Variants in CNTN4 observed in about 807,000 individuals in gnomAD.
CNTN4 encodes the protein contactin 4.
A neutral mutation model predicts 122.5 loss-of-function variants in CNTN4; 77 were observed. The observed-to-expected ratio is 0.63, with a 90% CI of 0.52 to 0.76. The LOEUF is 0.76. Ranked by LOEUF, CNTN4 falls within the 30% of genes least tolerant of loss-of-function variation. The pLI, the probability that CNTN4 is intolerant of heterozygous loss-of-function variation, is 0.00. For synonymous variants in CNTN4, 512 were observed against 447.0 expected (o/e 1.15, Z -1.83); for missense variants, 1,256 against 1,259.1 (o/e 1.00, Z 0.04).
At chr3:2,967,410 C>A (rs1692431077) in intron 13 of CNTN4, among the ~76,000 whole-genome samples, 1 of 152,092 alleles carries the variant, frequency 6.6e-6, no homozygotes, top group African/African-American at 2.4e-5. Flanking sequence ...CTCACGACTC[C>A]TAAACCATAA....
At chr3:2,599,236 C>A (rs927176586) in intron 4 of CNTN4, among the ~76,000 whole-genome samples, 1 of 152,144 alleles carries the variant, frequency 6.6e-6, no homozygotes, top group African/African-American at 2.4e-5. Flanking sequence ...GTTGTAGGTT[C>A]CATTCTATCA....
intron 7 of CNTN4, among the ~76,000 whole-genome samples, chr3:2,833,895 T>C (rs758496352): frequency 2.4e-4 from 36 of 152,120 alleles, no homozygotes; most frequent in Non-Finnish European, 4.0e-4. Flanking sequence ...ATCCCAACAC[T>C]TGGGGAGGCC....
chr3:2,228,942 A>G (rs1314547630), intron 2 of CNTN4, among the ~76,000 whole-genome samples: 1 of 152,140 alleles, frequency 6.6e-6, no homozygotes, highest in East Asian at 1.9e-4. Flanking sequence ...TTTTGATGAT[A>G]GATGTCAGAA....
intron 3 of CNTN4, among the ~76,000 whole-genome samples, chr3:2,414,876 A>G (rs1246936392): frequency 6.6e-6 from 1 of 152,192 alleles, no homozygotes; most frequent in Non-Finnish European, 1.5e-5. Flanking sequence ...CAAGAATCCT[A>G]ATTTAATTCA....
chr3:2,211,519 G>A (rs1407582335), intron 2 of CNTN4, among the ~76,000 whole-genome samples: 3 of 152,140 alleles, frequency 2.0e-5, no homozygotes, highest in Admixed American at 6.5e-5. Context: ...CTATGTGTAC[G>A]TTTTCCTACA....
intron 3 of CNTN4, among the ~76,000 whole-genome samples, chr3:2,437,404 A>C (rs780675480): frequency 2.0e-5 from 3 of 152,200 alleles, no homozygotes; most frequent in South Asian, 2.1e-4. Context: ...GTGATGAATG[A>C]CAGATTTTTA....
intron 3 of CNTN4, among the ~76,000 whole-genome samples, chr3:2,497,479 G>A (rs2151716381): frequency 6.6e-6 from 1 of 152,226 alleles, no homozygotes; most frequent in Non-Finnish European, 1.5e-5. Flanking sequence ...CTTGTATAAT[G>A]AACCATTTAA....
rs371070654 is a variant in CNTN4, at chr3:2,934,635, A to G, written c.1358+8856A>G. On this transcript the variant is annotated intron_variant, in intron 13 of 24. Coordinates refer to ENST00000418658, the MANE Select transcript of CNTN4 (RefSeq NM_175607.3). ...TCTCTGTTCTGGAGGCAGAGTGTCTATATATGTGCTCTTAATGAGAAACCT... is the reference window on the plus strand; with the variant it reads ...TCTCTGTTCTGGAGGCAGAGTGTCTGTATATGTGCTCTTAATGAGAAACCT... Among the ~76,000 whole-genome samples, 20 of 152,364 alleles carry G rather than the reference A, an allele frequency of 1.3e-4. No individual in the cohort carries two copies. In the East Asian group the frequency reaches 1.3e-3, roughly 10 times the overall value.
chr3:2,571,175 C>T (rs2079404945), intron 3 of CNTN4, among the ~76,000 whole-genome samples: 1 of 152,148 alleles, frequency 6.6e-6, no homozygotes, highest in Non-Finnish European at 1.5e-5. Context: ...AGAAACTGTT[C>T]TTGTCTTCAC....
At chr3:2,619,397 T>C (rs377740445) in intron 4 of CNTN4, among the ~76,000 whole-genome samples, 19 of 152,366 alleles carry the variant, frequency 1.2e-4, no homozygotes, top group African/African-American at 4.6e-4. Context: ...TTGCATTGAT[T>C]GTAAATATTT....
At chr3:2,389,789 C>G (rs938727921) in intron 3 of CNTN4, among the ~76,000 whole-genome samples, 2 of 152,088 alleles carry the variant, frequency 1.3e-5, no homozygotes, top group Admixed American at 1.3e-4. Flanking sequence ...TGGGACAGAT[C>G]ATTATTATGA....
At chr3:2,188,985 T>C (rs2149324870) in intron 2 of CNTN4, among the ~76,000 whole-genome samples, 1 of 152,310 alleles carries the variant, frequency 6.6e-6, no homozygotes, top group Non-Finnish European at 1.5e-5. Flanking sequence ...GCTGCTCTGG[T>C]TGCCCTTCAG....
chr3:2,808,289 G>C (rs190057605), intron 6 of CNTN4, among the ~76,000 whole-genome samples: 3 of 152,136 alleles, frequency 2.0e-5, no homozygotes, highest in Admixed American at 2.0e-4. Flanking sequence ...GCCTCTTGAT[G>C]CATAACTTTT....
intron 3 of CNTN4, among the ~76,000 whole-genome samples, chr3:2,458,498 A>G (rs2049081934): frequency 6.6e-6 from 1 of 152,158 alleles, no homozygotes; most frequent in East Asian, 1.9e-4. Context: ...TTAAGTTTAA[A>G]GATATTAATT....
At chr3:2,639,036 G>A (rs904231356) in intron 4 of CNTN4, among the ~76,000 whole-genome samples, 3 of 152,124 alleles carry the variant, frequency 2.0e-5, no homozygotes, top group Non-Finnish European at 1.5e-5. Context: ...TGGTCTCACT[G>A]CTTTTCCCCT....
chr3:2,524,149 C>T (rs2149175990), intron 3 of CNTN4, among the ~76,000 whole-genome samples: 1 of 152,152 alleles, frequency 6.6e-6, no homozygotes, highest in South Asian at 2.1e-4. Flanking sequence ...AGTCGCTTCC[C>T]ATTTCTCCTC....
intron 3 of CNTN4, among the ~76,000 whole-genome samples, chr3:2,539,960 C>A (rs1468588859): frequency 6.6e-6 from 1 of 151,886 alleles, no homozygotes; most frequent in Non-Finnish European, 1.5e-5. Context: ...TTTTTCCATG[C>A]AGACTCAATA....
chr3:2,683,863 A>G (rs1034874188), intron 4 of CNTN4, among the ~76,000 whole-genome samples: 1 of 152,134 alleles, frequency 6.6e-6, no homozygotes, highest in African/African-American at 2.4e-5. Context: ...CTTCTTAAAA[A>G]CATGGATTCC....
At chr3:2,613,296 A>T (rs968889639) in intron 4 of CNTN4, among the ~76,000 whole-genome samples, 4 of 152,140 alleles carry the variant, frequency 2.6e-5, no homozygotes, top group Non-Finnish European at 5.9e-5. Context: ...AGCAAAAATG[A>T]CATCACATAG....
Sources: gnomAD v4.1 joint callset for allele counts (sites outside exome capture counted in the v4.1 genomes callset) on GRCh38, gnomAD v4.1.1 for gene constraint, MANE v1.5 for transcripts, NCBI Gene and HGNC (gene_info 2026-07-23, HGNC 2026-07-21) for gene names.